FHIT: variants seen among roughly 807,000 people sequenced by gnomAD.
The protein encoded by FHIT is fragile histidine triad diadenosine triphosphatase.
FHIT carries 19 observed loss-of-function variants against 17.9 expected under a neutral mutation model. That is an observed-to-expected ratio of 1.06 (90% CI 0.74 to 1.56). FHIT has a LOEUF of 1.56. FHIT is among the 40% of genes most tolerant of loss of function. FHIT has a pLI of 0.00. For missense variants in FHIT, 248 were observed against 189.2 expected, an observed-to-expected ratio of 1.31 and a Z score of -1.82; for synonymous variants, 81 against 69.7, an observed-to-expected ratio of 1.16 and a Z score of -0.81.
intron 5 of FHIT, among the ~76,000 whole-genome samples, chr3:60,419,900 T>C (rs982455825): frequency 1.2e-4 from 18 of 152,290 alleles, no homozygotes; most frequent in African/African-American, 4.1e-4. Context: ...AGAGAATTCA[T>C]GTCAATTTTA....
At chr3:60,158,842 CT>C (rs1700818142) in intron 5 of FHIT, among the ~76,000 whole-genome samples, 1 of 152,080 alleles carries the variant, frequency 6.6e-6, no homozygotes, top group African/African-American at 2.4e-5. Context: ...TCCTTAGACT[CT>C]CCCCCAAATC....
intron 4 of FHIT, among the ~76,000 whole-genome samples, chr3:60,579,512 T>C (rs1023772598): frequency 6.6e-6 from 1 of 152,176 alleles, no homozygotes; most frequent in Non-Finnish European, 1.5e-5. Flanking sequence ...GGCAAGTTAA[T>C]ATGTATGTTG....
intron 5 of FHIT, among the ~76,000 whole-genome samples, chr3:60,456,039 T>A (rs2032069065): frequency 6.6e-6 from 1 of 152,142 alleles, no homozygotes; most frequent in Non-Finnish European, 1.5e-5. Flanking sequence ...CCAATCCACG[T>A]TCATGAAGAC....
chr3:60,650,327 G>C (rs1294408899), intron 4 of FHIT, among the ~76,000 whole-genome samples: 4 of 152,114 alleles, frequency 2.6e-5, no homozygotes, highest in African/African-American at 9.7e-5. Context: ...TGGAGTAAGA[G>C]ACCTAAGAGG....
At chr3:60,531,662 A>T (rs2035791968) in intron 5 of FHIT, among the ~76,000 whole-genome samples, 1 of 152,200 alleles carries the variant, frequency 6.6e-6, no homozygotes. Flanking sequence ...ATTACAACCT[A>T]CTGAGGAAAT....
At chr3:60,347,608 C>G (rs1204157609) in intron 5 of FHIT, among the ~76,000 whole-genome samples, 1 of 135,506 alleles carries the variant, frequency 7.4e-6, no homozygotes, top group Admixed American at 9.3e-5. Context: ...TCTACAGCCC[C>G]GAGATGATTC....
chr3:60,783,636 A>T (rs1400419876), intron 4 of FHIT, among the ~76,000 whole-genome samples: 2 of 152,206 alleles, frequency 1.3e-5, no homozygotes, highest in Admixed American at 6.5e-5. Flanking sequence ...ATATTTCCTG[A>T]TAAATCACTT....
chr3:60,233,570 T>G (rs748738740), intron 5 of FHIT, among the ~76,000 whole-genome samples: 5 of 152,122 alleles, frequency 3.3e-5, no homozygotes, highest in Non-Finnish European at 7.4e-5. Context: ...TCTACCTATT[T>G]TCTTTCATTA....
At chr3:61,062,621 C>T (rs2034467309) in intron 2 of FHIT, among the ~76,000 whole-genome samples, 1 of 152,160 alleles carries the variant, frequency 6.6e-6, no homozygotes, top group South Asian at 2.1e-4. Context: ...TGTCCCCAGG[C>T]ATAAACTAAA....
At chr3:60,173,884 A>AATATATATATATATATATATATATATAT (rs776742490) in intron 5 of FHIT, among the ~76,000 whole-genome samples, 4 of 30,510 alleles carry the variant, frequency 1.3e-4, no homozygotes, top group Admixed American at 1.2e-3. Flanking sequence ...CCATGTTTCT[A>AATATATATATATATATATATATATATAT]ATATATATAT....
intron 4 of FHIT, among the ~76,000 whole-genome samples, chr3:60,654,643 T>C (rs1424240803): frequency 6.6e-6 from 1 of 152,228 alleles, no homozygotes; most frequent in Admixed American, 6.5e-5. Context: ...ATGATTTTGA[T>C]AAAATGATTT....
Position 60,027,148 on chromosome 3 carries a change from C to T in FHIT, c.104-12996G>A, listed in dbSNP as rs77921679. 2.6e-4 allele frequency among the ~76,000 whole-genome samples: 33 copies of T among 125,840 alleles called. 1 individual carries two copies. The highest frequency in any genetic ancestry group is 8.9e-4 in the African/African-American group (33 of 36,948). The allele number at this position is 125,840 out of a possible 152,430, so 82.6% of individuals were successfully genotyped here. ...ACACACACACACACACACACACACA[C>T]AAAATTAGTAAACCCAATAATCCAC... On this transcript the variant is annotated intron_variant, in intron 5 of 9. Transcript: ENST00000492590.
chr3:61,203,649 G>A (rs1484201061), intron 1 of FHIT, among the ~76,000 whole-genome samples: 1 of 151,964 alleles, frequency 6.6e-6, no homozygotes. Context: ...AGCTCTACTT[G>A]TAAAAAAACA....
intron 7 of FHIT, among the ~76,000 whole-genome samples, chr3:59,991,971 G>A (rs1202040230): frequency 6.6e-6 from 1 of 151,998 alleles, no homozygotes; most frequent in Non-Finnish European, 1.5e-5. Flanking sequence ...TAGCCAGTTT[G>A]GGTTTTCTGA....
intron 5 of FHIT, among the ~76,000 whole-genome samples, chr3:60,220,498 C>A (rs1703913304): frequency 6.6e-6 from 1 of 151,904 alleles, no homozygotes; most frequent in Non-Finnish European, 1.5e-5. Context: ...TACTATGTTT[C>A]AACTTTTATT....
intron 7 of FHIT, among the ~76,000 whole-genome samples, chr3:59,944,396 C>A (rs1706690956): frequency 6.6e-6 from 1 of 152,184 alleles, no homozygotes; most frequent in African/African-American, 2.4e-5. Flanking sequence ...GTTCCTTCTC[C>A]TCCATCCATT....
At chr3:60,791,620 A>C (rs1462954032) in intron 4 of FHIT, among the ~76,000 whole-genome samples, 6 of 152,208 alleles carry the variant, frequency 3.9e-5, no homozygotes, top group Admixed American at 2.0e-4. Context: ...ATCTTACAGG[A>C]CAGAGAACAT....
In FHIT at chr3:60,486,391, T is replaced by C. The variant is rs147977872; in HGVS notation, c.103+50469A>G. Among the ~76,000 whole-genome samples, 42 of 152,270 alleles carry C rather than the reference T, an allele frequency of 2.8e-4. No homozygotes were observed. In the East Asian group the frequency reaches 7.5e-3, roughly 27 times the overall value. On this transcript the variant is annotated intron_variant, in intron 5 of 9. Coordinates refer to ENST00000492590, the MANE Select transcript of FHIT (RefSeq NM_002012.4). ...ATCACAAAAAGAGCTGAACTGATCA[T>C]AAAAAGTCTGTATTTCCTGTGCACT...
intron 5 of FHIT, among the ~76,000 whole-genome samples, chr3:60,361,282 C>G (rs1361257349): frequency 6.6e-6 from 1 of 152,062 alleles, no homozygotes; most frequent in Non-Finnish European, 1.5e-5. Context: ...TTGAACGAGA[C>G]AAAATCTCAG....
Sources: gnomAD v4.1 joint callset for allele counts (sites outside exome capture counted in the v4.1 genomes callset) on GRCh38, gnomAD v4.1.1 for gene constraint, MANE v1.5 for transcripts, NCBI Gene and HGNC (gene_info 2026-07-23, HGNC 2026-07-21) for gene names.